GULP1: variants seen among roughly 807,000 people sequenced by gnomAD.
GULP1 encodes GULP PTB domain containing engulfment adaptor 1, also known as PTB domain-containing engulfment adapter protein 1.
GULP1 carries 19 observed loss-of-function variants against 40.9 expected under a neutral mutation model. The ratio of observed to expected loss-of-function variants is 0.46; its 90% CI spans 0.32 to 0.68. The LOEUF (loss-of-function observed/expected upper bound fraction) is 0.68, where lower values mean the gene tolerates loss of function less well. GULP1 is among the 30% of genes least tolerant of loss of function. The pLI is 0.03. For missense variants in GULP1, 312 were observed against 362.2 expected, an observed-to-expected ratio of 0.86 and a Z score of 1.12; for synonymous variants, 119 against 117.6, an observed-to-expected ratio of 1.01 and a Z score of -0.08.
At chr2:188,437,759 C>A (rs111288989) in intron 2 of GULP1, among the ~76,000 whole-genome samples, 3 of 152,160 alleles carry the variant, frequency 2.0e-5, no homozygotes, top group African/African-American at 7.2e-5. Flanking sequence ...AAAGGAAGAT[C>A]ATGTCTTTTG....
At chr2:188,345,315 G>T (rs1405171618) in intron 1 of GULP1, among the ~76,000 whole-genome samples, 1 of 152,062 alleles carries the variant, frequency 6.6e-6, no homozygotes, top group Non-Finnish European at 1.5e-5. Flanking sequence ...TGGTTCTCAA[G>T]ATCATTTTTA....
chr2:188,527,346 C>A (rs1686426335), intron 5 of GULP1, among the ~76,000 whole-genome samples: 1 of 152,154 alleles, frequency 6.6e-6, no homozygotes, highest in Non-Finnish European at 1.5e-5. Flanking sequence ...GCTGAGAATG[C>A]TTCTGCAGCT....
At chr2:188,567,332 G>T (rs1487215360) in intron 7 of GULP1, among the ~76,000 whole-genome samples, 1 of 152,096 alleles carries the variant, frequency 6.6e-6, no homozygotes, top group South Asian at 2.1e-4. Context: ...AAATGCACGC[G>T]TATGTTTATT....
chr2:188,329,357 G>A (rs2041229938), intron 1 of GULP1, among the ~76,000 whole-genome samples: 1 of 152,082 alleles, frequency 6.6e-6, no homozygotes, highest in Admixed American at 6.6e-5. Context: ...GACTGATAAG[G>A]ATGCTAGTCT....
intron 6 of GULP1, among the ~76,000 whole-genome samples, chr2:188,538,034 A>G (rs1466208869): frequency 3.3e-5 from 5 of 151,776 alleles, no homozygotes; most frequent in Non-Finnish European, 5.9e-5. Flanking sequence ...TTGTAATACC[A>G]CCTTTGTTGT....
At chr2:188,416,356 A>G (rs1204125110) in intron 2 of GULP1, among the ~76,000 whole-genome samples, 3 of 152,170 alleles carry the variant, frequency 2.0e-5, no homozygotes, top group Non-Finnish European at 4.4e-5. Flanking sequence ...AGTATTCTAA[A>G]AATCATTGAA....
chr2:188,293,280 A>T (rs1375209272), intron 1 of GULP1: 2 of 152,186 alleles, frequency 1.3e-5, no homozygotes, highest in African/African-American at 4.8e-5. Context: ...TTTTACATGC[A>T]CTATTTCAAT....
At chr2:188,409,408 A>T (rs1243963692) in intron 2 of GULP1, among the ~76,000 whole-genome samples, 1 of 152,196 alleles carries the variant, frequency 6.6e-6, no homozygotes. Context: ...TAAATCAGGA[A>T]TCAACAGAAA....
chr2:188,537,092 C>G (rs1044503091), intron 6 of GULP1, among the ~76,000 whole-genome samples: 18 of 151,886 alleles, frequency 1.2e-4, no homozygotes, highest in African/African-American at 3.9e-4. Flanking sequence ...TTGGTGGAAT[C>G]TTTAGGATCT....
intron 9 of GULP1, among the ~76,000 whole-genome samples, chr2:188,583,215 A>C (rs1055058794): frequency 2.6e-5 from 4 of 152,206 alleles, no homozygotes; most frequent in African/African-American, 9.6e-5. Context: ...ATTTTCCTGC[A>C]TGAAAAATAA....
intron 1 of GULP1, among the ~76,000 whole-genome samples, chr2:188,362,050 A>G (rs2046169958): frequency 6.6e-6 from 1 of 152,088 alleles, no homozygotes; most frequent in Non-Finnish European, 1.5e-5. Context: ...TTAATGTGCT[A>G]ATGACTACTT....
At chr2:188,405,335 G>A (rs2052917201) in intron 2 of GULP1, among the ~76,000 whole-genome samples, 1 of 152,012 alleles carries the variant, frequency 6.6e-6, no homozygotes, top group Non-Finnish European at 1.5e-5. Flanking sequence ...TCCCAGCACA[G>A]GTCAGCTATA....
intron 4 of GULP1, among the ~76,000 whole-genome samples, chr2:188,521,802 T>C (rs2065807912): frequency 6.6e-6 from 1 of 152,114 alleles, no homozygotes; most frequent in African/African-American, 2.4e-5. Flanking sequence ...ATTGGCCGGG[T>C]GTGGTGGCTC....
intron 11 of GULP1, chr2:188,588,922 A>C (rs1201884359): frequency 6.6e-6 from 1 of 152,126 alleles, no homozygotes; most frequent in East Asian, 1.9e-4. Flanking sequence ...TCTAGGTAGT[A>C]CATGAATTCA....
intron 2 of GULP1, among the ~76,000 whole-genome samples, chr2:188,454,030 A>G (rs998053137): frequency 6.6e-6 from 1 of 152,154 alleles, no homozygotes; most frequent in Non-Finnish European, 1.5e-5. Flanking sequence ...TATGGCTGGC[A>G]AGGCCCCCCT....
chr2:188,587,769 C>G, intron 10 of GULP1, 86 bp from the exon 11 acceptor site: 1 of 739,442 alleles, frequency 1.4e-6, no homozygotes, highest in South Asian at 1.7e-5. Flanking sequence ...TGTAAATATT[C>G]ATTTATATAA....
chr2:188,512,112 C>T (rs1559328003), intron 4 of GULP1, among the ~76,000 whole-genome samples: 1 of 152,084 alleles, frequency 6.6e-6, no homozygotes, highest in Non-Finnish European at 1.5e-5. Context: ...TAGCTTACTC[C>T]TATATAGCTT....
intron 4 of GULP1, among the ~76,000 whole-genome samples, chr2:188,483,765 C>CT (rs1473588688): frequency 3.3e-4 from 50 of 152,130 alleles, no homozygotes; most frequent in Admixed American, 1.3e-3. Context: ...AATATCATGG[C>CT]TTGTAGAAAC....
chr2:188,404,727 T>C (rs185213897), intron 2 of GULP1, among the ~76,000 whole-genome samples: 1 of 152,158 alleles, frequency 6.6e-6, no homozygotes, highest in Admixed American at 6.5e-5. Flanking sequence ...CCAGCAGCCC[T>C]GGGCTTTGGG....
Sources: gnomAD v4.1 joint callset for allele counts (sites outside exome capture counted in the v4.1 genomes callset) on GRCh38, gnomAD v4.1.1 for gene constraint, MANE v1.5 for transcripts, NCBI Gene and HGNC (gene_info 2026-07-23, HGNC 2026-07-21) for gene names.